Variants in SYN3 observed in about 807,000 individuals in gnomAD.
The protein encoded by SYN3 is synapsin III, also known as synapsin-3.
Under a neutral mutation model 65.8 loss-of-function variants are expected in SYN3, and 35 were observed. The ratio of observed to expected loss-of-function variants is 0.53; its 90% CI spans 0.41 to 0.70. SYN3 has a LOEUF of 0.70. SYN3 is among the 30% of genes least tolerant of loss of function. SYN3 has a pLI of 0.00. For missense variants in SYN3, 680 were observed against 749.0 expected, an observed-to-expected ratio of 0.91 and a Z score of 1.08; for synonymous variants, 270 against 292.9, an observed-to-expected ratio of 0.92 and a Z score of 0.80.
chr22:32,976,326 A>G (rs2052185525), intron 3 of SYN3, among the ~76,000 whole-genome samples: 1 of 152,148 alleles, frequency 6.6e-6, no homozygotes, highest in Non-Finnish European at 1.5e-5. Context: ...CTTTTGCTCC[A>G]CCTGCTAGAG....
At chr22:32,718,249 C>T (rs1264240662) in intron 6 of SYN3, among the ~76,000 whole-genome samples, 1 of 152,066 alleles carries the variant, frequency 6.6e-6, no homozygotes, top group Non-Finnish European at 1.5e-5. Context: ...CTTCTAGGGC[C>T]CTCCCTGCTG....
chr22:32,727,066 G>A (rs774618000), intron 6 of SYN3, among the ~76,000 whole-genome samples: 8 of 151,594 alleles, frequency 5.3e-5, no homozygotes, highest in Non-Finnish European at 7.4e-5. Context: ...GTGGTTTGCT[G>A]CATGGATCAT....
At chr22:32,967,371 T>C (rs1020481883) in intron 3 of SYN3, among the ~76,000 whole-genome samples, 1 of 152,204 alleles carries the variant, frequency 6.6e-6, no homozygotes, top group Non-Finnish European at 1.5e-5. Flanking sequence ...AGATAGACAT[T>C]GTAGGGCACA....
chr22:32,932,957 C>A (rs1744514688), intron 3 of SYN3, among the ~76,000 whole-genome samples: 1 of 152,092 alleles, frequency 6.6e-6, no homozygotes, highest in Non-Finnish European at 1.5e-5. Context: ...CTTACATTGT[C>A]CTCCTTCTAT....
intron 7 of SYN3, among the ~76,000 whole-genome samples, chr22:32,591,235 TA>T (rs554437165): frequency 0.036 from 5,257 of 147,714 alleles, 174 homozygotes; most frequent in South Asian, 0.088. Context: ...TGGCTGCATT[TA>T]AAAAAAAAAA....
chr22:32,528,723 C>A, intron 11 of SYN3, 151 bp downstream of exon 11: 1 of 1,115,268 alleles, frequency 9.0e-7, no homozygotes, highest in Non-Finnish European at 1.3e-6. Flanking sequence ...AAAGCTCTCC[C>A]CAATGTCTGG....
chr22:32,957,565 A>C (rs961695151), intron 3 of SYN3, among the ~76,000 whole-genome samples: 1 of 152,154 alleles, frequency 6.6e-6, no homozygotes, highest in African/African-American at 2.4e-5. Flanking sequence ...CGCTCTCCCC[A>C]CCGGCACAGC....
At chr22:32,623,808 C>A (rs770024331) in intron 6 of SYN3, among the ~76,000 whole-genome samples, 11 of 152,154 alleles carry the variant, frequency 7.2e-5, no homozygotes, top group Non-Finnish European at 1.5e-4. Flanking sequence ...GGACTTGGGT[C>A]CAGGGTGGGG....
intron 7 of SYN3, among the ~76,000 whole-genome samples, chr22:32,568,377 T>C (rs2146398701): frequency 6.6e-6 from 1 of 152,356 alleles, no homozygotes; most frequent in Middle Eastern, 3.4e-3. Context: ...GCATTGGGAA[T>C]ACAGTCATAA....
intron 6 of SYN3, among the ~76,000 whole-genome samples, chr22:32,760,504 G>A (rs2045448836): frequency 6.6e-6 from 1 of 152,128 alleles, no homozygotes; most frequent in Admixed American, 6.5e-5. Context: ...GAGTGGGCAT[G>A]AGGTGGACAT....
chr22:32,598,116 A>G (rs2146598252), intron 6 of SYN3, among the ~76,000 whole-genome samples: 1 of 152,134 alleles, frequency 6.6e-6, no homozygotes, highest in East Asian at 1.9e-4. Context: ...GGCCATCCTG[A>G]CCCCTTCTCC....
At chr22:32,932,522 A>C (rs1312858758) in intron 3 of SYN3, among the ~76,000 whole-genome samples, 1 of 152,142 alleles carries the variant, frequency 6.6e-6, no homozygotes, top group Non-Finnish European at 1.5e-5. Context: ...ACCAGGGTGG[A>C]GAGAGACAGA....
At chr22:32,926,646 A>G (rs1411030831) in intron 4 of SYN3, among the ~76,000 whole-genome samples, 1 of 152,284 alleles carries the variant, frequency 6.6e-6, no homozygotes, top group East Asian at 1.9e-4. Context: ...CTATATGCTT[A>G]TATTTTAGAT....
chr22:32,990,549 T>G (rs958215361), intron 2 of SYN3, among the ~76,000 whole-genome samples: 1 of 152,144 alleles, frequency 6.6e-6, no homozygotes, highest in Non-Finnish European at 1.5e-5. Context: ...TTCTCAGCAC[T>G]GTGCTACATA....
intron 2 of SYN3, among the ~76,000 whole-genome samples, chr22:32,992,642 G>T (rs1018539791): frequency 2.0e-5 from 3 of 152,062 alleles, no homozygotes; most frequent in Non-Finnish European, 4.4e-5. Flanking sequence ...GTGGAACCCC[G>T]TCCCTACTAA....
At chr22:32,958,540 T>C (rs1163323337) in intron 3 of SYN3, among the ~76,000 whole-genome samples, 2 of 152,228 alleles carry the variant, frequency 1.3e-5, no homozygotes, top group South Asian at 2.1e-4. Flanking sequence ...AGTGACAATA[T>C]AATAATTATT....
chr22:32,644,249 T>C (rs982817608), intron 6 of SYN3, among the ~76,000 whole-genome samples: 1 of 151,968 alleles, frequency 6.6e-6, no homozygotes, highest in Non-Finnish European at 1.5e-5. Context: ...TTTGACCCCA[T>C]TGCTACCCTT....
At chr22:32,613,066 T>C (rs1188596009) in intron 6 of SYN3, among the ~76,000 whole-genome samples, 1 of 152,094 alleles carries the variant, frequency 6.6e-6, no homozygotes, top group Non-Finnish European at 1.5e-5. Flanking sequence ...CCTGCTGCCA[T>C]GTGCAAATGT....
intron 7 of SYN3, among the ~76,000 whole-genome samples, chr22:32,545,634 C>A (rs963739281): frequency 6.6e-6 from 1 of 152,176 alleles, no homozygotes; most frequent in African/African-American, 2.4e-5. Context: ...AATCTTGGCT[C>A]ACTACAACCT....
Sources: allele counts gnomAD v4.1 joint callset (sites outside exome capture counted in the v4.1 genomes callset), GRCh38; gene constraint gnomAD v4.1.1; transcripts MANE v1.5; gene names NCBI Gene and HGNC (gene_info 2026-07-23, HGNC 2026-07-21).